The following CLIP1 variants were observed in gnomAD, a reference collection of about 807,000 sequenced individuals.
CLIP1 encodes the protein CAP-Gly domain containing linker protein 1.
Under a neutral mutation model 161.6 loss-of-function variants are expected in CLIP1, and 66 were observed. The ratio of observed to expected loss-of-function variants is 0.41; its 90% confidence interval spans 0.33 to 0.50. The LOEUF is 0.50. Among genes scored for constraint, CLIP1 ranks in the 20% least tolerant of loss-of-function variants. The pLI, the probability that CLIP1 is intolerant of heterozygous loss-of-function variation, is 0.27. For synonymous variants in CLIP1, 598 were observed against 626.2 expected, an observed-to-expected ratio of 0.96 and a Z score of 0.67; for missense variants, 1,376 against 1,702.0, an observed-to-expected ratio of 0.81 and a Z score of 3.37.
chr12:122,401,716 C>T (rs1023972253), intron 1 of CLIP1, among the ~76,000 whole-genome samples: 5 of 149,450 alleles, frequency 3.3e-5, no homozygotes, highest in East Asian at 2.0e-4. Flanking sequence ...GGTATGATCT[C>T]GGCTGGGCAT....
intron 20 of CLIP1, among the ~76,000 whole-genome samples, chr12:122,300,041 T>A (rs1262151523): frequency 1.3e-5 from 2 of 152,210 alleles, no homozygotes; most frequent in African/African-American, 4.8e-5. Context: ...GAGGATCGCT[T>A]GAGTCCAAGA....
chr12:122,290,222 A>C (rs1956044725), intron 20 of CLIP1, among the ~76,000 whole-genome samples: 1 of 152,194 alleles, frequency 6.6e-6, no homozygotes, highest in South Asian at 2.1e-4. Flanking sequence ...TTAAATATAC[A>C]TTATGTTCTG....
intron 3 of CLIP1, among the ~76,000 whole-genome samples, chr12:122,368,686 C>A (rs1593179766): frequency 6.6e-6 from 1 of 151,996 alleles, no homozygotes; most frequent in East Asian, 1.9e-4. Flanking sequence ...CTCATGTCTG[C>A]AATCCTAGCT....
At chr12:122,294,955 C>T (rs1950412547) in intron 20 of CLIP1, among the ~76,000 whole-genome samples, 1 of 151,396 alleles carries the variant, frequency 6.6e-6, no homozygotes, top group Admixed American at 6.6e-5. Flanking sequence ...ACTCAGAAGG[C>T]TAAGACAGGA....
intron 3 of CLIP1, among the ~76,000 whole-genome samples, chr12:122,376,818 A>G (rs1954758672): frequency 2.6e-5 from 4 of 152,056 alleles, no homozygotes; most frequent in Admixed American, 2.6e-4. Flanking sequence ...TATAAACTCA[A>G]TATTCTTTTA....
chr12:122,358,128 T>G (rs1405725967), intron 5 of CLIP1, among the ~76,000 whole-genome samples: 1 of 152,132 alleles, frequency 6.6e-6, no homozygotes, highest in Non-Finnish European at 1.5e-5. Context: ...CCTGTTGATC[T>G]GTGACCTTAC....
chr12:122,404,571 G>C (rs1054198055), intron 1 of CLIP1, among the ~76,000 whole-genome samples: 1 of 151,864 alleles, frequency 6.6e-6, no homozygotes, highest in South Asian at 2.1e-4. Flanking sequence ...CAGCACTCCA[G>C]CCTGGGCAAC....
rs1953096996 is a variant in CLIP1, at chr12:122,352,643, C to G, written c.1368+83G>C. On this transcript the variant is annotated intron_variant, in intron 8 of 25. Coordinates refer to ENST00000620786, the MANE Select transcript of CLIP1 (RefSeq NM_001247997.2). ...CTTCCTCAGCTGGCTGTTCTGGCCG[C>G]TCATTTCAATTGGTGCATTATTTCG... The G allele has an allele frequency of 1.4e-5, 18 of 1,264,350 alleles. No homozygotes were observed. The South Asian group carries it at 1.9e-4, about 13-fold the overall frequency. 78.3% of individuals were successfully genotyped at this position (1,264,350 alleles called of 1,614,324 possible).
chr12:122,421,405 G>C (rs1212698785), intron 1 of CLIP1, among the ~76,000 whole-genome samples: 3 of 152,030 alleles, frequency 2.0e-5, no homozygotes, highest in Non-Finnish European at 2.9e-5. Flanking sequence ...GCTAACAGTA[G>C]TGACACAAAT....
At chr12:122,408,615 T>C (rs1028139004) in intron 1 of CLIP1, among the ~76,000 whole-genome samples, 8 of 152,070 alleles carry the variant, frequency 5.3e-5, no homozygotes, top group African/African-American at 1.7e-4. Context: ...CCCAAAGTGC[T>C]GGGATTACAG....
At chr12:122,306,385 G>A (rs1414060052) in intron 20 of CLIP1, among the ~76,000 whole-genome samples, 1 of 152,174 alleles carries the variant, frequency 6.6e-6, no homozygotes, top group African/African-American at 2.4e-5. Context: ...CAGTCACAAA[G>A]TCCTCTGTCT....
intron 11 of CLIP1, among the ~76,000 whole-genome samples, chr12:122,340,378 C>T (rs1434921868): frequency 6.6e-6 from 1 of 152,156 alleles, no homozygotes; most frequent in African/African-American, 2.4e-5. Context: ...TGCGCCTGGC[C>T]GATCTTTTGA....
At chr12:122,313,400 G>A (rs1193342188) in intron 19 of CLIP1, among the ~76,000 whole-genome samples, 1 of 152,060 alleles carries the variant, frequency 6.6e-6, no homozygotes, top group Non-Finnish European at 1.5e-5. Flanking sequence ...ATTAGTCAAC[G>A]GAATAATTCG....
chr12:122,290,897 T>G (rs1466146333), intron 20 of CLIP1, among the ~76,000 whole-genome samples: 1 of 150,934 alleles, frequency 6.6e-6, no homozygotes, highest in Non-Finnish European at 1.5e-5. Flanking sequence ...GTTTTTTAAG[T>G]TTTTTTTAGT....
At chr12:122,274,281 A>G in intron 24 of CLIP1, 119 bp from the exon 25 acceptor site, 1 of 731,552 alleles carries the variant, frequency 1.4e-6, no homozygotes, top group East Asian at 2.8e-5. Flanking sequence ...AGGGGCCAAC[A>G]GCGGCTATTA....
At chr12:122,415,481 C>G (rs1233212603) in intron 1 of CLIP1, among the ~76,000 whole-genome samples, 1 of 78,816 alleles carries the variant, frequency 1.3e-5, no homozygotes, top group African/African-American at 4.7e-5. Context: ...GACTCCATCT[C>G]AAAAAAAAAA....
rs71082966 is a variant in CLIP1, at chr12:122,330,597, G to GTTTTTTTTTTTTTTTTTTTTTTTTTTTTT, written c.2868-2172_2868-2171insAAAAAAAAAAAAAAAAAAAAAAAAAAAAA. ...TTCAGCACTGAAGAAGTATAATGCA[G>GTTTTTTTTTTTTTTTTTTTTTTTTTTTTT]TTTTTTTTTTTTTTTTTTTTGAGAT... On this transcript the variant is annotated intron_variant, in intron 15 of 25. Coordinates refer to ENST00000620786, the MANE Select transcript of CLIP1 (RefSeq NM_001247997.2). Among the ~76,000 whole-genome samples the GTTTTTTTTTTTTTTTTTTTTTTTTTTTTT allele has an allele frequency of 2.0e-5, 2 of 101,380 alleles. 1 individual carries two copies. The highest frequency in any genetic ancestry group is 8.8e-5 in the African/African-American group (2 of 22,778). 66.5% of individuals were successfully genotyped at this position (101,380 alleles called of 152,430 possible). A position where few individuals can be genotyped will look rare whatever the true frequency, so the allele number is the denominator to read the frequency against.
At position 122,273,664 on chromosome 12, in the gene CLIP1, G is replaced by A. The variant is rs184006278; in HGVS notation, c.4091+374C>T. ...CAAAACATTTGTTTTTTTTTGTTGC[G>A]TCTTTTTACAATCCCCTAGAGAAGC... On this transcript the variant is annotated intron_variant, in intron 25 of 25. Coordinates refer to ENST00000620786, the MANE Select transcript of CLIP1 (RefSeq NM_001247997.2). 9.8e-4 allele frequency among the ~76,000 whole-genome samples: 149 copies of A among 151,792 alleles called. 1 individual carries two copies. The highest frequency in any genetic ancestry group is 6.8e-3 in the Middle Eastern group (2 of 292).
chr12:122,390,225 CACAT>C (rs1844890795), intron 1 of CLIP1, among the ~76,000 whole-genome samples: 1 of 129,442 alleles, frequency 7.7e-6, no homozygotes, highest in African/African-American at 2.8e-5. Context: ...TATATATACA[CACAT>C]ATATACACAC....
Sources: gnomAD v4.1 joint callset for allele counts (sites outside exome capture counted in the v4.1 genomes callset) on GRCh38, gnomAD v4.1.1 for gene constraint, MANE v1.5 for transcripts, NCBI Gene and HGNC (gene_info 2026-07-23, HGNC 2026-07-21) for gene names.